The following MAML3 variants were observed in gnomAD, a reference collection of about 807,000 sequenced individuals.
MAML3 encodes the protein mastermind-like protein 3.
In MAML3, 27 loss-of-function variants were observed where a neutral mutation model predicts 101.9. The ratio of observed to expected loss-of-function variants is 0.27; its 90% CI spans 0.20 to 0.37. The LOEUF (loss-of-function observed/expected upper bound fraction) is 0.37, where lower values mean the gene tolerates loss of function less well. Among genes scored for constraint, MAML3 ranks in the 10% least tolerant of loss-of-function variants. The pLI, the probability that MAML3 is intolerant of heterozygous loss-of-function variation, is 1.00. For missense variants in MAML3, 1,316 were observed against 1,444.9 expected, an observed-to-expected ratio of 0.91 and a Z score of 1.45; for synonymous variants, 501 against 555.9, an observed-to-expected ratio of 0.90 and a Z score of 1.39.
At chr4:139,799,935 G>C (rs910989825) in intron 2 of MAML3, among the ~76,000 whole-genome samples, 4 of 151,828 alleles carry the variant, frequency 2.6e-5, no homozygotes, top group Non-Finnish European at 4.4e-5. Context: ...AACAAGTCAG[G>C]GAAAGAGGAG....
intron 4 of MAML3, 88 bp from the exon 5 acceptor site, chr4:139,720,411 C>A: frequency 8.1e-7 from 1 of 1,230,632 alleles, no homozygotes; most frequent in Non-Finnish European, 1.1e-6. Flanking sequence ...TTGGGAATGA[C>A]AAAATTCCTT....
At chr4:139,922,115 T>C (rs1733141047) in intron 1 of MAML3, among the ~76,000 whole-genome samples, 1 of 152,066 alleles carries the variant, frequency 6.6e-6, no homozygotes, top group African/African-American at 2.4e-5. Context: ...AAGTGCACAT[T>C]GTTAAGAGGG....
rs570035494 is a variant in MAML3 at position 139,833,113 on chromosome 4, G to T, written c.2079+56244C>A. Among the ~76,000 whole-genome samples the T allele has an allele frequency of 2.0e-5, 3 of 152,238 alleles. No individual in the cohort carries two copies. In the South Asian group the frequency reaches 6.2e-4, roughly 32 times the overall value. On this transcript the variant is annotated intron_variant, in intron 2 of 4. Transcript: ENST00000509479. ...CGGAGGTTCAGCTCCCTCACTCTTC[G>T]TCACGTCACCAGCAGCTTCTTAGCA...
At chr4:139,720,843 G>C (rs1402090932) in intron 4 of MAML3, among the ~76,000 whole-genome samples, 1 of 152,224 alleles carries the variant, frequency 6.6e-6, no homozygotes, top group Non-Finnish European at 1.5e-5. Flanking sequence ...TTGTGAAGTG[G>C]AACATGGTTC....
At chr4:139,725,857 G>C (rs377568103) in intron 3 of MAML3, 22 bp from the exon 4 acceptor site, 62 of 1,602,140 alleles carry the variant, frequency 3.9e-5, no homozygotes, top group Non-Finnish European at 4.8e-5. Flanking sequence ...GAACACAAGA[G>C]GGGTGGAGAG....
chr4:140,011,010 T>C (rs1385590226), intron 1 of MAML3, among the ~76,000 whole-genome samples: 2 of 150,676 alleles, frequency 1.3e-5, no homozygotes, highest in African/African-American at 2.4e-5. Context: ...GGCAGGAGAA[T>C]TGCTTGAACC....
intron 1 of MAML3, among the ~76,000 whole-genome samples, chr4:139,956,855 C>T (rs539238445): frequency 3.3e-5 from 5 of 152,338 alleles, no homozygotes; most frequent in East Asian, 1.9e-4. Flanking sequence ...CACTCTGCTT[C>T]GAACCCAGGA....
At chr4:139,985,609 A>C (rs1734524055) in intron 1 of MAML3, among the ~76,000 whole-genome samples, 2 of 152,244 alleles carry the variant, frequency 1.3e-5, no homozygotes, top group African/African-American at 4.8e-5. Flanking sequence ...TTAGCTAAGT[A>C]GCCCCAAATA....
intron 1 of MAML3, among the ~76,000 whole-genome samples, chr4:140,008,949 T>C (rs1228362642): frequency 1.3e-5 from 2 of 152,256 alleles, no homozygotes; most frequent in African/African-American, 4.8e-5. Flanking sequence ...AATTATAATT[T>C]GCATATTTGG....
intron 1 of MAML3, among the ~76,000 whole-genome samples, chr4:140,069,240 T>C (rs551993576): frequency 4.3e-4 from 65 of 152,208 alleles, no homozygotes; most frequent in African/African-American, 1.6e-3. Context: ...TTGGTTGCAC[T>C]ATGCAGGGGC....
intron 2 of MAML3, among the ~76,000 whole-genome samples, chr4:139,754,176 T>C (rs1729592899): frequency 6.6e-6 from 1 of 152,254 alleles, no homozygotes; most frequent in African/African-American, 2.4e-5. Flanking sequence ...ACAATATTAC[T>C]ATGCAAAACA....
chr4:139,962,629 G>A lies in MAML3; in HGVS notation c.469-71662C>T, dbSNP rs182170234. 8.6e-4 allele frequency among the ~76,000 whole-genome samples: 131 copies of A among 152,118 alleles called. 1 individual carries two copies. The highest frequency in any genetic ancestry group is 3.0e-3 in the African/African-American group (125 of 41,486). On this transcript the variant is annotated intron_variant, in intron 1 of 4. Transcript: ENST00000509479. ...CAAAAAGCAAGAAAGATAGGGATAGGGTATTTGAGAACTCTCTGTGCTATC... is the reference window on the plus strand; with the variant it reads ...CAAAAAGCAAGAAAGATAGGGATAGAGTATTTGAGAACTCTCTGTGCTATC...
intron 1 of MAML3, among the ~76,000 whole-genome samples, chr4:140,141,148 C>T (rs1262716556): frequency 3.3e-5 from 5 of 152,016 alleles, no homozygotes; most frequent in Non-Finnish European, 5.9e-5. Context: ...AAAATATAGA[C>T]GATAATTATT....
At chr4:140,146,242 T>A (rs1377385001) in intron 1 of MAML3, among the ~76,000 whole-genome samples, 1 of 152,212 alleles carries the variant, frequency 6.6e-6, no homozygotes, top group Non-Finnish European at 1.5e-5. Flanking sequence ...AGTAACTTCC[T>A]GCTCCTATCC....
intron 2 of MAML3, among the ~76,000 whole-genome samples, chr4:139,807,227 G>C (rs546958159): frequency 6.6e-6 from 1 of 152,194 alleles, no homozygotes; most frequent in South Asian, 2.1e-4. Flanking sequence ...GACAAGACTT[G>C]CCATTCGGAA....
At chr4:139,831,123 A>G (rs1731157141) in intron 2 of MAML3, among the ~76,000 whole-genome samples, 1 of 152,204 alleles carries the variant, frequency 6.6e-6, no homozygotes, top group African/African-American at 2.4e-5. Context: ...CAACTTTCTC[A>G]TAATCAAGGG....
intron 1 of MAML3, among the ~76,000 whole-genome samples, chr4:140,022,914 G>C (rs1387831690): frequency 6.6e-6 from 1 of 152,062 alleles, no homozygotes; most frequent in Non-Finnish European, 1.5e-5. Flanking sequence ...TTCTTATGTT[G>C]TATACTCTAT....
intron 2 of MAML3, among the ~76,000 whole-genome samples, chr4:139,855,771 C>T (rs17289059): frequency 6.6e-6 from 1 of 152,040 alleles, no homozygotes; most frequent in Admixed American, 6.6e-5. Context: ...ATTACAAACC[C>T]CTTCTTTTTA....
In MAML3 at chr4:139,999,078, T is replaced by A. The variant is rs151045438; in HGVS notation, c.469-108111A>T. Among the ~76,000 whole-genome samples the A allele has an allele frequency of 4.5e-4, 68 of 152,326 alleles. 1 individual carries two copies. The highest frequency in any genetic ancestry group is 7.8e-4 in the Non-Finnish European group (53 of 68,020). On this transcript the variant is annotated intron_variant, in intron 1 of 4. Coordinates refer to ENST00000509479, the MANE Select transcript of MAML3 (RefSeq NM_018717.5). ...GACTCTTCCTCATCTCTTCGATGCATGTGCTCAGCCTCAAGACTAGATAGG... is the reference window on the plus strand; with the variant it reads ...GACTCTTCCTCATCTCTTCGATGCAAGTGCTCAGCCTCAAGACTAGATAGG...
Sources: gnomAD v4.1 joint callset for allele counts (sites outside exome capture counted in the v4.1 genomes callset) on GRCh38, gnomAD v4.1.1 for gene constraint, MANE v1.5 for transcripts, NCBI Gene and HGNC (gene_info 2026-07-23, HGNC 2026-07-21) for gene names.